Variants in TMEM63A observed in about 807,000 individuals in gnomAD.
TMEM63A encodes mechanosensitive cation channel TMEM63A.
In TMEM63A, 76 loss-of-function variants were observed where a neutral mutation model predicts 100.6. The observed-to-expected ratio is 0.76, with a 90% CI of 0.63 to 0.91. The LOEUF (loss-of-function observed/expected upper bound fraction) is 0.91, where lower values mean the gene tolerates loss of function less well. Ranked by LOEUF, TMEM63A falls within the 40% of genes least tolerant of loss-of-function variation. The probability of loss-of-function intolerance (pLI) is 0.00; values close to 1 mark genes in which losing one functional copy is unlikely to be tolerated. For missense variants in TMEM63A, 876 were observed against 1,008.8 expected (o/e 0.87, Z 1.78); for synonymous variants, 401 against 401.1 (o/e 1.00, Z 0.00).
chr1:225,870,107 T>C (rs368335168), intron 6 of TMEM63A, among the ~76,000 whole-genome samples: 1 of 151,866 alleles, frequency 6.6e-6, no homozygotes, highest in Admixed American at 6.6e-5. Context: ...CCCAGCACTT[T>C]GGGAGGCCGA....
At chr1:225,845,340 G>T (rs2234701), downstream of TMEM63A, 1 of 1,609,100 alleles carries the variant, frequency 6.2e-7, no homozygotes, top group Admixed American at 1.7e-5. Context: ...GTGCTGGAGC[G>T]GCAATGACCC....
chr1:225,870,364 A>AAG (rs1209650702), intron 6 of TMEM63A, among the ~76,000 whole-genome samples: 6 of 151,562 alleles, frequency 4.0e-5, no homozygotes, highest in Admixed American at 3.9e-4. Flanking sequence ...AAAAAAAAAA[A>AAG]ACATGCATCT....
rs2102630526 is a variant in TMEM63A at position 225,867,241 on chromosome 1, G to A, written c.515-78C>T. On this transcript the variant is annotated intron_variant, in intron 7 of 24. Coordinates refer to ENST00000366835, the MANE Select transcript of TMEM63A (RefSeq NM_014698.3). The surrounding 1 kb of genome is among the most constrained non-coding windows in gnomAD (Gnocchi z 4.6). ...GGGCGTAACCAATCAGCCTTGGTTT[G>A]TGGAGCTCTGGGGAGGAGGAGCATG... 6.9e-7 allele frequency: 1 copy of A among 1,450,292 alleles called. No homozygotes were observed. The allele number at this position is 1,450,292 out of a possible 1,614,324, so 89.8% of individuals were successfully genotyped here. A position where few individuals can be genotyped will look rare whatever the true frequency, so the allele number is the denominator to read the frequency against.
intron 10 of TMEM63A, among the ~76,000 whole-genome samples, chr1:225,863,689 G>A (rs966072047): frequency 1.7e-4 from 26 of 152,164 alleles, no homozygotes; most frequent in African/African-American, 6.3e-4. Context: ...GGCTGAGCCG[G>A]GTGGATCACT....
intron 3 of TMEM63A, among the ~76,000 whole-genome samples, chr1:225,874,895 C>T (rs1291091024): frequency 6.6e-6 from 1 of 152,190 alleles, no homozygotes; most frequent in Non-Finnish European, 1.5e-5. Flanking sequence ...CCACCACACC[C>T]AGCTAATTTT....
In TMEM63A at chr1:225,871,100, C is replaced by T. The variant is rs1421949945; in HGVS notation, c.347G>A (p.Trp116Ter). ...DFENELGCCP[W>*]LTAIFRLHDD... ...CTGCAGACGGAAGATGGCAGTCAGC[C>T]AGGGACAGCATCCCTGGAAACGGAG... The change falls in exon 6 of 25, where the codon TGG (tryptophan) becomes TAG (stop). Residue 116 changes from tryptophan to a stop codon, truncating the protein, a stop_gained. Coordinates refer to ENST00000366835, the MANE Select transcript of TMEM63A (RefSeq NM_014698.3). LOFTEE classifies it high-confidence loss of function. 6.2e-7 allele frequency: 1 copy of T among 1,613,924 alleles called. No homozygotes were observed. Among genetic ancestry groups the T allele is most frequent in the African/African-American group, 1.3e-5 (1 of 74,946 alleles).
chr1:225,858,428 G>A (rs1167667074), intron 15 of TMEM63A, among the ~76,000 whole-genome samples: 4 of 149,450 alleles, frequency 2.7e-5, no homozygotes, highest in East Asian at 2.0e-4. Flanking sequence ...CGGTTCAAGC[G>A]ATTCTCCTGC....
chr1:225,874,805 G>A (rs1364871069), intron 3 of TMEM63A, among the ~76,000 whole-genome samples: 3 of 152,050 alleles, frequency 2.0e-5, no homozygotes, highest in African/African-American at 4.8e-5. Flanking sequence ...TTTTTCTTTC[G>A]GCTCACTGCA....
At chr1:225,842,324 C>T (rs1655354945), downstream of TMEM63A, 1 of 1,426,108 alleles carries the variant, frequency 7.0e-7, no homozygotes, top group Non-Finnish European at 9.9e-7. Flanking sequence ...GCTCTCTGGT[C>T]CCCAGGCCTG....
chr1:225,845,482 C>A, downstream of TMEM63A: 3 of 873,070 alleles, frequency 3.4e-6, no homozygotes, highest in Non-Finnish European at 5.3e-6. Context: ...CTCACCCCCT[C>A]ACCCCTCCAA....
In TMEM63A at chr1:225,852,742, C is replaced by T; in HGVS notation, c.1825G>A (p.Ala609Thr). The change falls in exon 20 of 25, where the codon GCC becomes ACC. Residue 609 changes from alanine to threonine, a missense_variant. Ala to Thr is a moderately conservative substitution (Grantham distance 58). Around this residue, in one of 5 missense-constraint regions of TMEM63A, gnomAD observed 339 missense variants for 342.3 expected, o/e 0.99. Transcript: ENST00000366835. ...QNQAFQYEFG[A>T]MYAWMLCVFT... ...ACACACAGCATCCATGCATACATGGCTCCAAACTCGTACTGGAAGGCCTGG... is the reference window on the plus strand; with the variant it reads ...ACACACAGCATCCATGCATACATGGTTCCAAACTCGTACTGGAAGGCCTGG... 1 of 1,614,076 alleles carries T rather than the reference C, an allele frequency of 6.2e-7. No homozygotes were observed. Among genetic ancestry groups the T allele is most frequent in the Non-Finnish European group, 8.5e-7 (1 of 1,180,038 alleles).
chr1:225,853,828 C>G lies in TMEM63A; in HGVS notation c.1635-37G>C. On this transcript the variant is annotated intron_variant, in intron 18 of 24. Coordinates refer to ENST00000366835, the MANE Select transcript of TMEM63A (RefSeq NM_014698.3). The surrounding 1 kb of genome is among the most constrained non-coding windows in gnomAD (Gnocchi z 4.0). ...AGGGCCCAGGTCTGTGAGCTGAGAG[C>G]CGCTCTTGGAGGGAGAGGAGGGGCC... 6.5e-7 allele frequency: 1 copy of G among 1,543,524 alleles called. No individual in the cohort carries two copies. Among genetic ancestry groups the G allele is most frequent in the South Asian group, 1.3e-5 (1 of 79,390 alleles).
intron 8 of TMEM63A, 116 bp from the exon 9 acceptor site, chr1:225,866,798 G>T: frequency 1.2e-6 from 1 of 869,074 alleles, no homozygotes; most frequent in Non-Finnish European, 1.8e-6. Flanking sequence ...CAGCTTCACT[G>T]CAAGAGATGC....
At chr1:225,866,796 C>G in intron 8 of TMEM63A, 114 bp from the exon 9 acceptor site, 2 of 904,410 alleles carry the variant, frequency 2.2e-6, no homozygotes, top group Non-Finnish European at 3.5e-6. Context: ...AACAGCTTCA[C>G]TGCAAGAGAT....
chr1:225,845,329 G>T (rs4149230), downstream of TMEM63A: 1 of 1,610,918 alleles, frequency 6.2e-7, no homozygotes, highest in Non-Finnish European at 8.5e-7. Context: ...AGTTCCTGTC[G>T]GTGCTGGAGC....
chr1:225,880,311 CT>C (rs1671025981), intron 1 of TMEM63A, among the ~76,000 whole-genome samples: 1 of 152,208 alleles, frequency 6.6e-6, no homozygotes, highest in Non-Finnish European at 1.5e-5. Context: ...CCAGATCCCC[CT>C]GAAACAGCTC....
At position 225,853,512 on chromosome 1, in the gene TMEM63A, G is replaced by T; in HGVS notation, c.1797+117C>A. The T allele has an allele frequency of 1.8e-6, 2 of 1,098,366 alleles. No individual in the cohort carries two copies. Among genetic ancestry groups the T allele is most frequent in the Non-Finnish European group, 2.5e-6 (2 of 795,834 alleles). 68.0% of individuals were successfully genotyped at this position (1,098,366 alleles called of 1,614,324 possible). A position where few individuals can be genotyped will look rare whatever the true frequency, so the allele number is the denominator to read the frequency against. Reference sequence around the variant, plus strand: ...ACTTAGCCCAGTGCCTGCACTAGTGGGTAGTCAGGTAAATGCTACCCACTA... The same window carrying T: ...ACTTAGCCCAGTGCCTGCACTAGTGTGTAGTCAGGTAAATGCTACCCACTA... On this transcript the variant is annotated intron_variant, in intron 19 of 24. Coordinates refer to ENST00000366835, the MANE Select transcript of TMEM63A (RefSeq NM_014698.3). The surrounding 1 kb of genome is among the most constrained non-coding windows in gnomAD (Gnocchi z 4.0).
rs1264332566 is a variant in TMEM63A, at chr1:225,860,992, A to G, written c.1091T>C (p.Leu364Pro). 1 of 1,609,596 alleles carries G rather than the reference A, an allele frequency of 6.2e-7. No homozygotes were observed. Among genetic ancestry groups the G allele is most frequent in the Non-Finnish European group, 8.5e-7 (1 of 1,177,772 alleles). The change falls in exon 14 of 25, where the codon CTG becomes CCG. Residue 364 changes from leucine to proline, a missense_variant. By Grantham distance (98) the Leu-to-Pro change is moderately conservative. Transcript: ENST00000366835. ...ACACTTGCAGGCATTGAAATCTTTC[A>G]GGATGCTGCAAGGAAATGTAGCAAC... ...FQEKSMATYILKDFNACKCQS... is the reference protein window; with the variant it reads ...FQEKSMATYIPKDFNACKCQS...
At chr1:225,854,375 C>G (rs1267016319) in intron 18 of TMEM63A, among the ~76,000 whole-genome samples, 1 of 152,144 alleles carries the variant, frequency 6.6e-6, no homozygotes, top group Non-Finnish European at 1.5e-5. Flanking sequence ...CAGATGGCCA[C>G]TGTGTCATCC....
Sources: gnomAD v4.1 joint callset for allele counts (sites outside exome capture counted in the v4.1 genomes callset) on GRCh38, gnomAD v4.1.1 for gene constraint, gnomAD v4.1.1 regional missense constraint, Gnocchi (gnomAD v3.1) non-coding constraint, MANE v1.5 for transcripts, NCBI Gene and HGNC (gene_info 2026-07-23, HGNC 2026-07-21) for gene names.